Variants in SNX8 observed in about 807,000 individuals in gnomAD.
SNX8 encodes sorting nexin-8.
SNX8 carries 25 observed loss-of-function variants against 51.6 expected under a neutral mutation model. The ratio of observed to expected loss-of-function variants is 0.48; its 90% CI spans 0.35 to 0.68. The LOEUF (loss-of-function observed/expected upper bound fraction) is 0.68, where lower values mean the gene tolerates loss of function less well. Among genes scored for constraint, SNX8 ranks in the 30% least tolerant of loss-of-function variants. SNX8 has a pLI of 0.00. For synonymous variants in SNX8, 324 were observed against 277.0 expected (o/e 1.17, Z -1.68); for missense variants, 695 against 624.0 (o/e 1.11, Z -1.21).
chr7:2,322,271 G>A (rs1484333420), intron 1 of SNX8, among the ~76,000 whole-genome samples: 3 of 152,152 alleles, frequency 2.0e-5, no homozygotes, highest in African/African-American at 7.2e-5. Context: ...GGTGGCTCAC[G>A]CCTATAATTG....
intron 1 of SNX8, among the ~76,000 whole-genome samples, chr7:2,352,947 C>G (rs1231618480): frequency 6.6e-6 from 1 of 152,124 alleles, no homozygotes; most frequent in Non-Finnish European, 1.5e-5. Context: ...GAGGAGTAGT[C>G]AAACCTGGTA....
chr7:2,340,418 G>T (rs999945584), intron 1 of SNX8, among the ~76,000 whole-genome samples: 1 of 151,488 alleles, frequency 6.6e-6, no homozygotes, highest in Non-Finnish European at 1.5e-5. Context: ...AGTGGGAAAG[G>T]GTTTTTTTTT....
Position 2,278,310 on chromosome 7 carries a change from A to G in SNX8, c.95-5T>C, listed in dbSNP as rs768374142. On this transcript the variant is annotated splice_region_variant and splice_polypyrimidine_tract_variant and intron_variant, in intron 1 of 10. Coordinates refer to ENST00000222990, the MANE Select transcript of SNX8 (RefSeq NM_013321.4). The stretch of plus-strand genomic sequence containing the variant: ...TGGCCTGGGGTGTCGGCAGATCTGC[A>G]GGGGAGATGGTGAATGACCAGTGAG... 3.3e-6 allele frequency: 5 copies of G among 1,520,450 alleles called. No homozygotes were observed. The highest frequency in any genetic ancestry group is 1.4e-5 in the African/African-American group (1 of 72,940). 94.2% of individuals were successfully genotyped at this position (1,520,450 alleles called of 1,614,324 possible).
chr7:2,319,622 T>C (rs1057220687), intron 1 of SNX8, among the ~76,000 whole-genome samples: 3 of 152,108 alleles, frequency 2.0e-5, no homozygotes, highest in South Asian at 2.1e-4. Context: ...GAGACCATCC[T>C]GGCTAACACG....
chr7:2,283,701 G>C (rs368038401), intron 1 of SNX8, among the ~76,000 whole-genome samples: 3 of 152,170 alleles, frequency 2.0e-5, no homozygotes, highest in Non-Finnish European at 4.4e-5. Flanking sequence ...AAGTGGGTGC[G>C]TATCAGAATC....
chr7:2,310,057 G>A (rs980497620), intron 1 of SNX8: 32 of 362,090 alleles, frequency 8.8e-5, no homozygotes, highest in African/African-American at 5.4e-4. Flanking sequence ...ACTCACCCTC[G>A]TTCTAAAGAG....
At chr7:2,286,297 C>T (rs905555022) in intron 1 of SNX8, among the ~76,000 whole-genome samples, 3 of 151,982 alleles carry the variant, frequency 2.0e-5, no homozygotes, top group Non-Finnish European at 4.4e-5. Flanking sequence ...CAGACGAGAG[C>T]CACCTCACCC....
At chr7:2,303,218 G>A (rs71522293) in intron 1 of SNX8, among the ~76,000 whole-genome samples, 44,632 of 114,838 alleles carry the variant, frequency 0.39, 9,523 homozygotes, top group East Asian at 0.67. Flanking sequence ...CAGCCGCCCC[G>A]TCCAGGAGGG....
rs796698660 is a variant in SNX8 at position 2,279,762 on chromosome 7, G to GA, written c.95-1458dup. ...AGTGAGACCCTGTCTCAAAAAAAAA[G>GA]AAAAAAAAAAAAAAAAAACTCTTCC... On this transcript the variant is annotated intron_variant, in intron 1 of 10. Coordinates refer to ENST00000222990, the MANE Select transcript of SNX8 (RefSeq NM_013321.4). Among the ~76,000 whole-genome samples the GA allele has an allele frequency of 9.0e-3, 854 of 94,946 alleles. 4 individuals are homozygous for GA. Among genetic ancestry groups the GA allele is most frequent in the African/African-American group, 0.024 (598 of 25,432 alleles). The allele number at this position is 94,946 out of a possible 152,430, so 62.3% of individuals were successfully genotyped here. A position where few individuals can be genotyped will look rare whatever the true frequency, so the allele number is the denominator to read the frequency against.
chr7:2,271,767 A>C, intron 4 of SNX8, 83 bp downstream of exon 4: 1 of 1,494,448 alleles, frequency 6.7e-7, no homozygotes, highest in Non-Finnish European at 9.0e-7. Flanking sequence ...AGGATAAGAA[A>C]CCACACCTGA....
intron 1 of SNX8, among the ~76,000 whole-genome samples, chr7:2,340,709 C>G (rs1474079396): frequency 6.6e-6 from 1 of 150,944 alleles, no homozygotes; most frequent in Non-Finnish European, 1.5e-5. Context: ...ATACAGAAGT[C>G]AGCCAGACAC....
At chr7:2,314,669 C>A (rs1796726258), upstream of SNX8, among the ~76,000 whole-genome samples, 1 of 152,196 alleles carries the variant, frequency 6.6e-6, no homozygotes, top group African/African-American at 2.4e-5. Flanking sequence ...CGCAGGTTAC[C>A]TCCCCTCAGG....
At chr7:2,334,214 T>G (rs973767031) in intron 1 of SNX8, among the ~76,000 whole-genome samples, 1 of 152,018 alleles carries the variant, frequency 6.6e-6, no homozygotes, top group African/African-American at 2.4e-5. Context: ...CCATCTTGGC[T>G]AACACGGTGA....
chr7:2,332,149 G>A (rs1242000788), intron 1 of SNX8, among the ~76,000 whole-genome samples: 1 of 151,812 alleles, frequency 6.6e-6, no homozygotes, highest in African/African-American at 2.4e-5. Context: ...AAAGGTTGCA[G>A]TGAACCAAGA....
At chr7:2,306,973 G>A (rs945579880) in intron 1 of SNX8, among the ~76,000 whole-genome samples, 1 of 124,108 alleles carries the variant, frequency 8.1e-6, no homozygotes, top group Non-Finnish European at 1.9e-5. Flanking sequence ...GTACTTCCTG[G>A]GGTTAATCAA....
intron 1 of SNX8, among the ~76,000 whole-genome samples, chr7:2,279,687 A>C (rs1472930959): frequency 1.3e-5 from 2 of 148,372 alleles, no homozygotes; most frequent in East Asian, 4.1e-4. Flanking sequence ...GGGAAGGCGG[A>C]GGCTGCAGTG....
chr7:2,314,396 A>G lies in SNX8; in HGVS notation c.26T>C (p.Leu9Pro), dbSNP rs1302721329. MTGRAMDP[L>P]PAAAVGAAAE... The stretch of plus-strand genomic sequence containing the variant: ...TGCCGCCCCGACTGCAGCCGCGGGC[A>G]GCGGGTCCATCGCGCGGCCAGTCAT... Residue 9 changes from leucine to proline, a missense_variant, in exon 1 of 11, where the codon CTG (leucine) becomes CCG (proline). Physicochemically the swap from Leu to Pro is moderately conservative, Grantham distance 98. Coordinates refer to ENST00000222990, the MANE Select transcript of SNX8 (RefSeq NM_013321.4). The G allele has an allele frequency of 1.1e-5, 13 of 1,220,124 alleles. No homozygotes were observed. In the African/African-American group the frequency reaches 2.0e-4, roughly 19 times the overall value. 75.6% of individuals were successfully genotyped at this position (1,220,124 alleles called of 1,614,324 possible).
intron 5 of SNX8, among the ~76,000 whole-genome samples, chr7:2,268,747 C>T (rs1334659564): frequency 2.6e-4 from 5 of 18,996 alleles, no homozygotes; most frequent in African/African-American, 5.9e-4. Flanking sequence ...CCCCCCAGCC[C>T]GGCCAGCCGC....
At chr7:2,317,450 G>C (rs1405705197), upstream of SNX8, among the ~76,000 whole-genome samples, 2 of 151,094 alleles carry the variant, frequency 1.3e-5, no homozygotes, top group Non-Finnish European at 3.0e-5. Flanking sequence ...GCTAATTTTT[G>C]TATTTTTGTA....
Sources: gnomAD v4.1 joint callset for allele counts (sites outside exome capture counted in the v4.1 genomes callset) on GRCh38, gnomAD v4.1.1 for gene constraint, MANE v1.5 for transcripts, NCBI Gene and HGNC (gene_info 2026-07-23, HGNC 2026-07-21) for gene names.